Variants in GPRIN2 observed in about 807,000 individuals in gnomAD.
GPRIN2 encodes the protein G protein-regulated inducer of neurite outgrowth 2.
GPRIN2 carries 1 observed loss-of-function variant against 0.3 expected under a neutral mutation model. The ratio of observed to expected loss-of-function variants is 3.90; its 90% CI spans 1.39 to 18.51. GPRIN2 has a LOEUF of 18.51. Ranked by LOEUF, GPRIN2 falls within the 30% of genes most tolerant of loss-of-function variation. GPRIN2 has a pLI of 0.11. For synonymous variants in GPRIN2, 361 were observed against 258.6 expected (o/e 1.40, Z -3.80); for missense variants, 880 against 604.2 (o/e 1.46, Z -4.79).
rs1832432008 is a variant in GPRIN2, at chr10:46,550,261, C to T, written c.476G>A (p.Gly159Asp). Residue 159 changes from glycine (G) to aspartate (D), a missense_variant, in exon 3 of 3, where the codon GGT becomes GAT. Coordinates refer to ENST00000374314, the MANE Select transcript of GPRIN2 (RefSeq NM_001385282.1). The part of the protein sequence containing the change: ...SPVHRAQLQP[G>D]GTSGQGGQAP... ...CTGGCCACCCTGGCCAGAAGTACCA[C>T]CTGGCTGCAGCTGAGCCCTGTGGAC... 1 of 1,611,228 alleles carries T rather than the reference C, an allele frequency of 6.2e-7. No individual in the cohort carries two copies. Among genetic ancestry groups the T allele is most frequent in the Non-Finnish European group, 8.5e-7 (1 of 1,178,606 alleles).
Position 46,544,927 on chromosome 10 carries a change from G to C in GPRIN2, c.*4433C>G, listed in dbSNP as rs909539436. Among the ~76,000 whole-genome samples, 3 of 152,310 alleles carry C rather than the reference G, an allele frequency of 2.0e-5. No individual in the cohort carries two copies. The highest frequency in any genetic ancestry group is 2.9e-5 in the Non-Finnish European group (2 of 68,058). On this transcript the variant is annotated 3_prime_UTR_variant, in exon 3 of 3. Transcript: ENST00000374314. The stretch of plus-strand genomic sequence containing the variant: ...TGGGATGTCCCAGTGATATGTCCTG[G>C]GCTTCATACCAGCCCTGCCCTGCCT...
rs1222059047 is a variant in GPRIN2, at chr10:46,556,487, C to G, written c.-118+11G>C. Among the ~76,000 whole-genome samples, 1 of 151,130 alleles carries G rather than the reference C, an allele frequency of 6.6e-6. No homozygotes were observed. Among genetic ancestry groups the G allele is most frequent in the Non-Finnish European group, 1.5e-5 (1 of 68,036 alleles). On this transcript the variant is annotated intron_variant, in intron 1 of 2. Coordinates refer to ENST00000374314, the MANE Select transcript of GPRIN2 (RefSeq NM_001385282.1). ...CCGCCCCAACGGGAGCGCGCGGAGCCAGCCTCTCACCCTCTCGCCCGCCGG... is the reference window on the plus strand; with the variant it reads ...CCGCCCCAACGGGAGCGCGCGGAGCGAGCCTCTCACCCTCTCGCCCGCCGG...
In GPRIN2 at chr10:46,547,231, G is replaced by T. The variant is rs895723774; in HGVS notation, c.*2129C>A. Among the ~76,000 whole-genome samples, 1 of 152,306 alleles carries T rather than the reference G, an allele frequency of 6.6e-6. No individual in the cohort carries two copies. Among genetic ancestry groups the T allele is most frequent in the East Asian group, 1.9e-4 (1 of 5,208 alleles). ...TGCCTGTGTATGCGTGTGTGTGCAC[G>T]TGTATGAACCCAGCCCCCAGCTGCC... On this transcript the variant is annotated 3_prime_UTR_variant, in exon 3 of 3. Transcript: ENST00000374314.
chr10:46,551,443 C>T, intron 2 of GPRIN2: 1 of 985,536 alleles, frequency 1.0e-6, no homozygotes, highest in South Asian at 4.7e-5. Context: ...AGGAGAGGCC[C>T]CATGCATCAG....
chr10:46,550,540 C>A lies in GPRIN2; in HGVS notation c.197G>T (p.Gly66Val), dbSNP rs1832332162. The A allele has an allele frequency of 4.4e-6, 7 of 1,591,108 alleles. No individual in the cohort carries two copies. Among genetic ancestry groups the A allele is most frequent in the Non-Finnish European group, 6.0e-6 (7 of 1,167,904 alleles). ...STRPQAPEEE[G>V]NPPESMKPAR... ...TGGCTTCATGCTCTCAGGCGGGTTCCCCTCTTCCTCCGGGGCCTGGGGTCT... is the reference window on the plus strand; with the variant it reads ...TGGCTTCATGCTCTCAGGCGGGTTCACCTCTTCCTCCGGGGCCTGGGGTCT... The change falls in exon 3 of 3, where the codon GGG (glycine) becomes GTG (valine). Residue 66 changes from glycine to valine, a missense_variant. Gly to Val is a moderately radical substitution (Grantham distance 109, BLOSUM62 -3). Transcript: ENST00000374314.
chr10:46,552,426 C>T (rs964079159), intron 2 of GPRIN2, among the ~76,000 whole-genome samples: 1 of 152,304 alleles, frequency 6.6e-6, no homozygotes, highest in Non-Finnish European at 1.5e-5. Context: ...ATAAAGACTT[C>T]CAGGCAACAA....
In GPRIN2 at chr10:46,542,960, C is replaced by A. The variant is rs1194885912; in HGVS notation, c.*6400G>T. The stretch of plus-strand genomic sequence containing the variant: ...TAGCCAGCCAGCCACCAACAAGGGC[C>A]ACCAAAAGTTAGGACTGATGGGGTG... On this transcript the variant is annotated 3_prime_UTR_variant, in exon 3 of 3. Coordinates refer to ENST00000374314, the MANE Select transcript of GPRIN2 (RefSeq NM_001385282.1). Among the ~76,000 whole-genome samples, 2 of 152,308 alleles carry A rather than the reference C, an allele frequency of 1.3e-5. No individual in the cohort carries two copies. The highest frequency in any genetic ancestry group is 2.9e-5 in the Non-Finnish European group (2 of 68,056).
rs1832503273 is a variant in GPRIN2 at position 46,550,042 on chromosome 10, G to A, written c.695C>T (p.Ala232Val). The change falls in exon 3 of 3, where the codon GCT becomes GTT. Residue 232 changes from alanine to valine, a missense_variant. Coordinates refer to ENST00000374314, the MANE Select transcript of GPRIN2 (RefSeq NM_001385282.1). ...ATTTCHALPP[A>V]ALLCGMREVR... Reference sequence around the variant, plus strand: ...CTCCCTCATGCCACAGAGTAGAGCAGCTGGGGGCAGAGCATGGCAGGTGGT... The same window carrying A: ...CTCCCTCATGCCACAGAGTAGAGCAACTGGGGGCAGAGCATGGCAGGTGGT... 3 of 1,522,358 alleles carry A rather than the reference G, an allele frequency of 2.0e-6. No homozygotes were observed. The highest frequency in any genetic ancestry group is 2.5e-5 in the South Asian group (2 of 78,734). The allele number at this position is 1,522,358 out of a possible 1,614,324, so 94.3% of individuals were successfully genotyped here.
At position 46,549,501 on chromosome 10, in the gene GPRIN2, C is replaced by G. The variant is rs1832697754; in HGVS notation, c.1236G>C (p.Glu412Asp). 2.5e-6 allele frequency: 4 copies of G among 1,612,964 alleles called. No homozygotes were observed. In the East Asian group the frequency reaches 8.9e-5, roughly 36 times the overall value. The change falls in exon 3 of 3, where the codon GAG (glutamate) becomes GAC (aspartate). Residue 412 changes from glutamate to aspartate, a missense_variant. Glu to Asp is a conservative substitution (Grantham distance 45, BLOSUM62 2). Coordinates refer to ENST00000374314, the MANE Select transcript of GPRIN2 (RefSeq NM_001385282.1). ...VLGVAIQKHL[E>D]MQFEQLQRAP... The stretch of plus-strand genomic sequence containing the variant: ...CCCGCTGCAGCTGCTCAAACTGCAT[C>G]TCCAGGTGCTTCTGGATGGCCACAC...
chr10:46,554,877 C>G (rs1406624825), intron 1 of GPRIN2, among the ~76,000 whole-genome samples, 182 bp from the exon 2 acceptor site: 1 of 152,306 alleles, frequency 6.6e-6, no homozygotes, highest in African/African-American at 2.4e-5. Flanking sequence ...CAGGGGACTA[C>G]CAAGACCACC....
chr10:46,544,245 A>G lies in GPRIN2; in HGVS notation c.*5115T>C, dbSNP rs1380544538. Among the ~76,000 whole-genome samples the G allele has an allele frequency of 1.3e-5, 2 of 152,304 alleles. No homozygotes were observed. The highest frequency in any genetic ancestry group is 4.8e-5 in the African/African-American group (2 of 41,486). On this transcript the variant is annotated 3_prime_UTR_variant, in exon 3 of 3. Coordinates refer to ENST00000374314, the MANE Select transcript of GPRIN2 (RefSeq NM_001385282.1). ...TGCCAGAAACAGCCTTTCATAATAC[A>G]AGATGGACAGGAAAGAGGCCAAGGG...
In GPRIN2 at chr10:46,545,001, C is replaced by A. The variant is rs1415390500; in HGVS notation, c.*4359G>T. 6.6e-6 allele frequency among the ~76,000 whole-genome samples: 1 copy of A among 152,306 alleles called. No homozygotes were observed. The highest frequency in any genetic ancestry group is 2.4e-5 in the African/African-American group (1 of 41,484). On this transcript the variant is annotated 3_prime_UTR_variant, in exon 3 of 3. Transcript: ENST00000374314. ...AAGGACTTGTCATAGCTTCAGATGGCAAAACCAGGCCAGGCCAGAATGAAA... is the reference window on the plus strand; with the variant it reads ...AAGGACTTGTCATAGCTTCAGATGGAAAAACCAGGCCAGGCCAGAATGAAA...
intron 2 of GPRIN2, among the ~76,000 whole-genome samples, chr10:46,552,788 C>T (rs989371519): frequency 1.3e-5 from 2 of 152,312 alleles, no homozygotes; most frequent in African/African-American, 4.8e-5. Context: ...CAGGACTGTG[C>T]AGCTCTGAAC....
chr10:46,550,953 C>G (rs1433834550), intron 2 of GPRIN2, among the ~76,000 whole-genome samples: 1 of 152,310 alleles, frequency 6.6e-6, no homozygotes, highest in Non-Finnish European at 1.5e-5. Context: ...AAGGATGACA[C>G]TGCAAATTAT....
rs1274265231 is a variant in GPRIN2, at chr10:46,548,657, G to T, written c.*703C>A. On this transcript the variant is annotated 3_prime_UTR_variant, in exon 3 of 3. Coordinates refer to ENST00000374314, the MANE Select transcript of GPRIN2 (RefSeq NM_001385282.1). The stretch of plus-strand genomic sequence containing the variant: ...TGTCTCATTCACCACAGAATCCACA[G>T]AACCCAGCACAGAGTATGAGCTCAG... Among the ~76,000 whole-genome samples the T allele has an allele frequency of 1.5e-4, 23 of 152,280 alleles. No homozygotes were observed. Among genetic ancestry groups the T allele is most frequent in the Admixed American group, 1.5e-3 (23 of 15,270 alleles).
chr10:46,543,584 A>T lies in GPRIN2; in HGVS notation c.*5776T>A, dbSNP rs1439031985. ...GTCTTTTCTCAGGAAAGCTGCAGGG[A>T]AATGAAAAGCTCCAGGCAGGACAGA... On this transcript the variant is annotated 3_prime_UTR_variant, in exon 3 of 3. Transcript: ENST00000374314. 6.6e-6 allele frequency among the ~76,000 whole-genome samples: 1 copy of T among 152,310 alleles called. No individual in the cohort carries two copies. The highest frequency in any genetic ancestry group is 1.5e-5 in the Non-Finnish European group (1 of 68,058).
At chr10:46,555,951 G>A (rs1843162201) in intron 1 of GPRIN2, among the ~76,000 whole-genome samples, 1 of 152,310 alleles carries the variant, frequency 6.6e-6, no homozygotes, top group Admixed American at 6.5e-5. Flanking sequence ...ACCGCACCAC[G>A]CAGCCTCGCC....
chr10:46,546,804 C>T lies in GPRIN2; in HGVS notation c.*2556G>A, dbSNP rs1050604088. ...GCAACTGGGCTAGGGAGACAAGGAT[C>T]GTGGTTTAGCCAGGAGAATCATCTG... On this transcript the variant is annotated 3_prime_UTR_variant, in exon 3 of 3. Coordinates refer to ENST00000374314, the MANE Select transcript of GPRIN2 (RefSeq NM_001385282.1). Among the ~76,000 whole-genome samples the T allele has an allele frequency of 9.8e-5, 15 of 152,402 alleles. No homozygotes were observed. Among genetic ancestry groups the T allele is most frequent in the African/African-American group, 2.6e-4 (11 of 41,602 alleles).
intron 2 of GPRIN2, among the ~76,000 whole-genome samples, chr10:46,552,825 C>G (rs908162502): frequency 2.0e-5 from 3 of 152,310 alleles, no homozygotes; most frequent in Non-Finnish European, 2.9e-5. Context: ...AAGGATGTCC[C>G]ATCCCAGCTG....
Sources: gnomAD v4.1 joint callset for allele counts (sites outside exome capture counted in the v4.1 genomes callset) on GRCh38, gnomAD v4.1.1 for gene constraint, MANE v1.5 for transcripts, NCBI Gene and HGNC (gene_info 2026-07-23, HGNC 2026-07-21) for gene names.